Variants in SH2B1 observed in about 807,000 individuals in gnomAD.
SH2B1 encodes SH2B adaptor protein 1.
In SH2B1, 15 loss-of-function variants were observed where a neutral mutation model predicts 62.6. The ratio of observed to expected loss-of-function variants is 0.24; its 90% CI spans 0.16 to 0.37. SH2B1 has a LOEUF of 0.37. Ranked by LOEUF, SH2B1 falls within the 10% of genes least tolerant of loss-of-function variation. The probability of loss-of-function intolerance (pLI) is 1.00; values close to 1 mark genes in which losing one functional copy is unlikely to be tolerated. For missense variants in SH2B1, 925 were observed against 1,015.6 expected (o/e 0.91, Z 1.21); for synonymous variants, 443 against 438.0 (o/e 1.01, Z -0.14).
In SH2B1 at chr16:28,872,755, T is replaced by C. The variant is rs1432257161; in HGVS notation, c.1897+50T>C. On this transcript the variant is annotated intron_variant, in intron 7 of 7. Transcript: ENST00000684370. This position sits in a 1 kb window ranked among gnomAD's most constrained non-coding sequence, Gnocchi z 5.3. ...AGGAGGTGCCCGTGCACCCAAGAAG[T>C]GAGGTGTGTGTGCCAGAAAGATGGG... is the stretch of plus-strand genomic sequence containing the variant. The C allele has an allele frequency of 1.2e-6, 2 of 1,607,322 alleles. No individual in the cohort carries two copies. Among genetic ancestry groups the C allele is most frequent in the East Asian group, 2.2e-5 (1 of 44,658 alleles).
At chr16:28,849,614 G>A (rs951933734) in intron 1 of SH2B1, among the ~76,000 whole-genome samples, 1 of 151,964 alleles carries the variant, frequency 6.6e-6, no homozygotes, top group African/African-American at 2.4e-5. Flanking sequence ...CAACTTAAAA[G>A]AATATTGTTT....
At chr16:28,859,727 A>G (rs1021158448), upstream of SH2B1, among the ~76,000 whole-genome samples, 2 of 151,704 alleles carry the variant, frequency 1.3e-5, no homozygotes, top group Non-Finnish European at 2.9e-5. Context: ...AAAAAGAGAG[A>G]GAGAAAAAGA....
At chr16:28,871,005 G>A (rs962985503) in intron 4 of SH2B1, among the ~76,000 whole-genome samples, 3 of 150,644 alleles carry the variant, frequency 2.0e-5, no homozygotes, top group African/African-American at 7.3e-5. Context: ...GTGTGTGTGT[G>A]TGTGTGTGTG....
intron 1 of SH2B1, among the ~76,000 whole-genome samples, chr16:28,858,250 C>T (rs1260750160): frequency 2.0e-5 from 3 of 152,140 alleles, no homozygotes; most frequent in East Asian, 3.9e-4. Context: ...CAGTGGCTCA[C>T]GCCTGTAATC....
rs755303391 is a variant in SH2B1, at chr16:28,866,803, G to A, written c.709G>A (p.Gly237Arg). Reference sequence around the variant, plus strand: ...TGAGAGGCTGAGACTCAGTCGGGGAGGGGGCGCCTTGAAGGATGGAGCAGG... The same window carrying A: ...TGAGAGGCTGAGACTCAGTCGGGGAAGGGGCGCCTTGAAGGATGGAGCAGG... Reference protein sequence around the residue: ...RFERLRLSRGGGALKDGAGMV... With the variant: ...RFERLRLSRGRGALKDGAGMV... The change falls in exon 1 of 8, where the codon GGG becomes AGG. Residue 237 changes from glycine to arginine, a missense_variant. By Grantham distance (125) the Gly-to-Arg change is moderately radical (BLOSUM62 -2). Around this residue, in one of 3 missense-constraint regions of SH2B1, gnomAD observed 683 missense variants for 704.0 expected, o/e 0.97. Coordinates refer to ENST00000684370, the MANE Select transcript of SH2B1 (RefSeq NM_001387430.1). The surrounding 1 kb of genome is among the most constrained non-coding windows in gnomAD (Gnocchi z 6.3). 6.3e-7 allele frequency: 1 copy of A among 1,583,506 alleles called. No homozygotes were observed. Among genetic ancestry groups the A allele is most frequent in the East Asian group, 2.2e-5 (1 of 44,714 alleles).
intron 1 of SH2B1, among the ~76,000 whole-genome samples, chr16:28,848,552 A>AC (rs1962034648): frequency 6.6e-6 from 1 of 152,020 alleles, no homozygotes; most frequent in Admixed American, 6.6e-5. Context: ...TCCCAGTGCT[A>AC]CCCTGGGTAG....
At chr16:28,868,740 G>C (rs1179933852) in intron 2 of SH2B1, among the ~76,000 whole-genome samples, 5 of 152,150 alleles carry the variant, frequency 3.3e-5, no homozygotes, top group African/African-American at 1.2e-4. Flanking sequence ...ACAGGTGTGA[G>C]CCATCGTACC....
chr16:28,852,624 T>TTA lies in SH2B1; in HGVS notation c.-301+5806_-301+5807dup, dbSNP rs1190729627. 7.7e-5 allele frequency among the ~76,000 whole-genome samples: 5 copies of TTA among 64,716 alleles called. 1 individual carries two copies. In the East Asian group the frequency reaches 1.8e-3, roughly 23 times the overall value. 42.5% of individuals were successfully genotyped at this position (64,716 alleles called of 152,430 possible). A position where few individuals can be genotyped will look rare whatever the true frequency, so the allele number is the denominator to read the frequency against. ...TATTTATATATATACACATATATATTTATATATATACACATATATATTTAT... is the reference window on the plus strand; with the variant it reads ...TATTTATATATATACACATATATATTTATATATATATACACATATATATTTAT... On this transcript the variant is annotated intron_variant, in intron 1 of 10. Transcript: ENST00000322610.
At chr16:28,849,208 A>T (rs1319496009) in intron 1 of SH2B1, among the ~76,000 whole-genome samples, 2 of 151,744 alleles carry the variant, frequency 1.3e-5, no homozygotes, top group Non-Finnish European at 2.9e-5. Flanking sequence ...AGCTCAATCT[A>T]CCTCAGCCTC....
In SH2B1 at chr16:28,865,001, C is replaced by T. The variant is rs1346785737; in HGVS notation, c.-1094C>T. 7.1e-6 allele frequency: 5 copies of T among 703,718 alleles called. No homozygotes were observed. Among genetic ancestry groups the T allele is most frequent in the Non-Finnish European group, 8.7e-6 (5 of 572,986 alleles). 43.6% of individuals were successfully genotyped at this position (703,718 alleles called of 1,614,324 possible). The stretch of plus-strand genomic sequence containing the variant: ...ACGTGGAATTTGTTCAAGATAACAT[C>T]GCTCATAAGGTGGCTGGACTGGGTG... On this transcript the variant is annotated 5_prime_UTR_variant, in exon 1 of 8. Coordinates refer to ENST00000684370, the MANE Select transcript of SH2B1 (RefSeq NM_001387430.1).
chr16:28,868,908 CTT>C lies in SH2B1; in HGVS notation c.1042-97_1042-96del. The C allele has an allele frequency of 3.2e-6, 3 of 935,820 alleles. 1 individual carries two copies. The highest frequency in any genetic ancestry group is 5.3e-6 in the Non-Finnish European group (3 of 566,530). 58.0% of individuals were successfully genotyped at this position (935,820 alleles called of 1,614,324 possible). The stretch of plus-strand genomic sequence containing the variant: ...GCCTCCAGAGAGAATTCGAATGCAT[CTT>C]GTTTGTAGACAGCCTGCATACATTG... On this transcript the variant is annotated intron_variant, in intron 2 of 7. Coordinates refer to ENST00000684370, the MANE Select transcript of SH2B1 (RefSeq NM_001387430.1).
intron 4 of SH2B1, among the ~76,000 whole-genome samples, chr16:28,871,317 C>G (rs1016059928): frequency 2.0e-5 from 3 of 152,124 alleles, no homozygotes; most frequent in Non-Finnish European, 2.9e-5. Context: ...TGCGCCTGGC[C>G]CAGGACTCCT....
Position 28,868,996 on chromosome 16 carries a change from A to T in SH2B1, c.1042-10A>T. ...CCTGCCCCAGCTGAGGCGTCGTCTC[A>T]TCTCTGTAGGTGGAAGGTCCATCCG... On this transcript the variant is annotated splice_polypyrimidine_tract_variant and intron_variant, in intron 2 of 7. Transcript: ENST00000684370. 1 of 1,612,050 alleles carries T rather than the reference A, an allele frequency of 6.2e-7. No homozygotes were observed. Among genetic ancestry groups the T allele is most frequent in the Non-Finnish European group, 8.5e-7 (1 of 1,178,076 alleles).
In SH2B1 at chr16:28,852,221, CAT is replaced by C. The variant is rs201261917; in HGVS notation, c.-301+5401_-301+5402del. ...TTATATATTTACATATATATATTTA[CAT>C]ATATATTTACATATATATATTTACA... On this transcript the variant is annotated intron_variant, in intron 1 of 10. Coordinates refer to the SH2B1 transcript ENST00000322610. Among the ~76,000 whole-genome samples, 18 of 39,418 alleles carry C rather than the reference CAT, an allele frequency of 4.6e-4. No homozygotes were observed. In the East Asian group the frequency reaches 0.013, roughly 29 times the overall value. The allele number at this position is 39,418 out of a possible 152,430, so 25.9% of individuals were successfully genotyped here.
chr16:28,868,946 G>A (rs1482508392), intron 2 of SH2B1, 60 bp from the exon 3 acceptor site: 12 of 1,244,468 alleles, frequency 9.6e-6, no homozygotes, highest in Non-Finnish European at 1.4e-5. Context: ...TTCTCATTAG[G>A]CATGGATTAA....
At position 28,873,374 on chromosome 16, in the gene SH2B1, G is replaced by T; in HGVS notation, c.1898-73G>T. On this transcript the variant is annotated intron_variant, in intron 7 of 7. Coordinates refer to ENST00000684370, the MANE Select transcript of SH2B1 (RefSeq NM_001387430.1). This position sits in a 1 kb window ranked among gnomAD's most constrained non-coding sequence, Gnocchi z 4.2. ...GAGACAGCCACGCTCCTGGGGGGCT[G>T]AGTGAAGGGGAGGCCACGGCAGGAG... The T allele has an allele frequency of 6.3e-7, 1 of 1,581,750 alleles. No individual in the cohort carries two copies. The highest frequency in any genetic ancestry group is 8.5e-7 in the Non-Finnish European group (1 of 1,171,800).
At chr16:28,847,470 G>A (rs942725543) in intron 1 of SH2B1, among the ~76,000 whole-genome samples, 1 of 151,982 alleles carries the variant, frequency 6.6e-6, no homozygotes, top group African/African-American at 2.4e-5. Flanking sequence ...TTATGATTCC[G>A]TGGGGTCTAT....
At position 28,852,247 on chromosome 16, in the gene SH2B1, C is replaced by CATATATATATTTACAT. The variant is rs1962122206; in HGVS notation, c.-301+5429_-301+5444dup. 1.3e-4 allele frequency among the ~76,000 whole-genome samples: 8 copies of CATATATATATTTACAT among 63,282 alleles called. 1 individual carries two copies. Among genetic ancestry groups the CATATATATATTTACAT allele is most frequent in the African/African-American group, 1.8e-4 (2 of 11,082 alleles). The allele number at this position is 63,282 out of a possible 152,430, so 41.5% of individuals were successfully genotyped here. On this transcript the variant is annotated intron_variant, in intron 1 of 10. Transcript: ENST00000322610. ...ATATATATTTACATATATATATTTA[C>CATATATATATTTACAT]ATATATATATTTACATATATATATT...
Position 28,869,396 on chromosome 16 carries a change from C to T in SH2B1, c.1309+13C>T, listed in dbSNP as rs767902354. ...CGCCTGTCGCAGGGTAAGGGTGGAG[C>T]CTTAGAGAGCTCGGAGCCTCGGAAC... is the stretch of plus-strand genomic sequence containing the variant. On this transcript the variant is annotated intron_variant, in intron 4 of 7. Coordinates refer to ENST00000684370, the MANE Select transcript of SH2B1 (RefSeq NM_001387430.1). 3.7e-6 allele frequency: 6 copies of T among 1,603,596 alleles called. No homozygotes were observed. Among genetic ancestry groups the T allele is most frequent in the African/African-American group, 2.7e-5 (2 of 74,674 alleles).
Sources: gnomAD v4.1 joint callset for allele counts (sites outside exome capture counted in the v4.1 genomes callset) on GRCh38, gnomAD v4.1.1 for gene constraint, gnomAD v4.1.1 regional missense constraint, Gnocchi (gnomAD v3.1) non-coding constraint, MANE v1.5 for transcripts, NCBI Gene and HGNC (gene_info 2026-07-23, HGNC 2026-07-21) for gene names.